The following INSR variants were observed in gnomAD, a reference collection of about 807,000 sequenced individuals.
The protein encoded by INSR is IR.
In INSR, 67 loss-of-function variants were observed where a neutral mutation model predicts 142.6. The ratio of observed to expected loss-of-function variants is 0.47; its 90% CI spans 0.39 to 0.58. INSR has a LOEUF of 0.58. Among genes scored for constraint, INSR ranks in the 20% least tolerant of loss-of-function variants. The pLI is 0.00. For missense variants in INSR, 1,248 were observed against 1,833.2 expected (o/e 0.68, Z 5.83); for synonymous variants, 756 against 743.1 (o/e 1.02, Z -0.28).
rs201445608 is a variant in INSR at position 7,125,376 on chromosome 19, C to G, written c.3165G>C (p.Ala1055=). The change falls in exon 17 of 22, where the codon GCG becomes GCC. Residue 1055 remains alanine (A), a synonymous_variant. Coordinates refer to ENST00000302850, the MANE Select transcript of INSR (RefSeq NM_000208.4). The surrounding 1 kb of genome is among the most constrained non-coding windows in gnomAD (Gnocchi z 4.9). ...TGGCTGACTCGTTGACCGTCTTCAC[C>G]GCCACGCGGGTCTCTGCCTCACCCT... ...IIKGEAETRV[A]VKTVNESASL... 1.2e-6 allele frequency: 2 copies of G among 1,614,012 alleles called. No individual in the cohort carries two copies. Among genetic ancestry groups the G allele is most frequent in the Admixed American group, 1.7e-5 (1 of 60,000 alleles).
At chr19:7,182,405 T>G (rs1974297063) in intron 3 of INSR, among the ~76,000 whole-genome samples, 1 of 151,848 alleles carries the variant, frequency 6.6e-6, no homozygotes, top group Admixed American at 6.6e-5. Context: ...CCCAGCTACT[T>G]GGGAGGCTGA....
At chr19:7,146,238 T>C (rs1006640124) in intron 11 of INSR, among the ~76,000 whole-genome samples, 1,539 of 142,696 alleles carry the variant, frequency 0.011, 46 homozygotes, top group African/African-American at 0.018. Flanking sequence ...GTCAAGTTCT[T>C]TTTTTTTTTT....
chr19:7,164,826 CAAAAAAAAA>C (rs35639305), intron 8 of INSR, among the ~76,000 whole-genome samples: 1 of 46,026 alleles, frequency 2.2e-5, no homozygotes, highest in Non-Finnish European at 3.6e-5. Context: ...AACTCCATCT[CAAAAAAAAA>C]AAAAAAAAAA....
chr19:7,270,820 G>A (rs1378284145), intron 1 of INSR, among the ~76,000 whole-genome samples: 1 of 151,904 alleles, frequency 6.6e-6, no homozygotes, highest in East Asian at 1.9e-4. Context: ...CAGCACTTTG[G>A]GAGGCCAAGA....
intron 2 of INSR, among the ~76,000 whole-genome samples, chr19:7,234,076 T>C (rs1976082233): frequency 1.3e-5 from 2 of 152,062 alleles, no homozygotes; most frequent in Admixed American, 1.3e-4. Context: ...AGCTAATTTT[T>C]TTTATTTTTA....
chr19:7,197,819 C>A lies in INSR; in HGVS notation c.653-13182G>T, dbSNP rs186133619. On this transcript the variant is annotated intron_variant, in intron 2 of 21. Coordinates refer to ENST00000302850, the MANE Select transcript of INSR (RefSeq NM_000208.4). Reference sequence around the variant, plus strand: ...GTCGGTTCCAGAGTGGGAGAGAGAGCGAGAGAGAGAGAGAACGAGAGAGAG... The same window carrying A: ...GTCGGTTCCAGAGTGGGAGAGAGAGAGAGAGAGAGAGAGAACGAGAGAGAG... Among the ~76,000 whole-genome samples, 186 of 75,780 alleles carry A rather than the reference C, an allele frequency of 2.5e-3. 2 individuals are homozygous for A. The highest frequency in any genetic ancestry group is 0.011 in the African/African-American group (175 of 16,374). The allele number at this position is 75,780 out of a possible 152,430, so 49.7% of individuals were successfully genotyped here. A position where few individuals can be genotyped will look rare whatever the true frequency, so the allele number is the denominator to read the frequency against.
At chr19:7,177,273 T>C (rs1034678786) in intron 3 of INSR, among the ~76,000 whole-genome samples, 13 of 152,298 alleles carry the variant, frequency 8.5e-5, no homozygotes, top group African/African-American at 3.1e-4. Context: ...TAGAACATGC[T>C]GGAAGGGGAA....
chr19:7,245,143 A>C (rs1976501205), intron 2 of INSR, among the ~76,000 whole-genome samples: 1 of 151,668 alleles, frequency 6.6e-6, no homozygotes, highest in Non-Finnish European at 1.5e-5. Context: ...TTACCGTGTT[A>C]GCCAGGATGG....
intron 2 of INSR, among the ~76,000 whole-genome samples, chr19:7,197,758 AGT>A (rs57922087): frequency 0.44 from 25,386 of 57,628 alleles, 6,599 homozygotes; most frequent in East Asian, 0.49. Context: ...CCAGAGTGGG[AGT>A]GTGTGTGTGT....
intron 1 of INSR, among the ~76,000 whole-genome samples, chr19:7,279,805 T>C (rs1307397077): frequency 6.7e-6 from 1 of 150,032 alleles, no homozygotes; most frequent in African/African-American, 2.5e-5. Flanking sequence ...CAAAACCCCA[T>C]CTCTACCAAA....
chr19:7,149,936 A>AAGGAAG (rs1973289242), intron 11 of INSR, among the ~76,000 whole-genome samples: 26 of 144,172 alleles, frequency 1.8e-4, no homozygotes, highest in African/African-American at 6.0e-4. Context: ...AAAAAAAGAA[A>AAGGAAG]GAAGGAAGGA....
At chr19:7,154,300 C>CTTTTTTT (rs762914829) in intron 9 of INSR, among the ~76,000 whole-genome samples, 1 of 107,302 alleles carries the variant, frequency 9.3e-6, no homozygotes, top group Non-Finnish European at 1.8e-5. Context: ...ACCACAATTA[C>CTTTTTTT]TTTTTTTTTT....
At chr19:7,135,395 G>A (rs1208128079) in intron 13 of INSR, among the ~76,000 whole-genome samples, 2 of 130,080 alleles carry the variant, frequency 1.5e-5, no homozygotes, top group East Asian at 2.3e-4. Context: ...GGCTCACTGC[G>A]ACCTCCGCCT....
intron 9 of INSR, 108 bp from the exon 10 acceptor site, chr19:7,153,035 C>CCACACATAT: frequency 2.6e-6 from 1 of 379,562 alleles, no homozygotes; most frequent in South Asian, 2.3e-5. Context: ...ACCACACACA[C>CCACACATAT]ACACACCACA....
chr19:7,275,480 G>A (rs575351967), intron 1 of INSR, among the ~76,000 whole-genome samples: 1 of 151,956 alleles, frequency 6.6e-6, no homozygotes, highest in South Asian at 2.1e-4. Flanking sequence ...ATGAATTAAA[G>A]TGAAAATAAA....
rs1161439122 is a variant in INSR at position 7,116,130 on chromosome 19, T to TC, written c.*925_*926insG. The stretch of plus-strand genomic sequence containing the variant: ...TTTGTTTTTTCTTTCTTTTTCTTTT[T>TC]TTTTTTTTAATGTCCTAGCTTGGTT... On this transcript the variant is annotated 3_prime_UTR_variant, in exon 22 of 22. Transcript: ENST00000302850. 66 of 150,288 alleles carry TC rather than the reference T, an allele frequency of 4.4e-4. No individual in the cohort carries two copies. The highest frequency in any genetic ancestry group is 1.4e-3 in the African/African-American group (56 of 40,932). 9.3% of individuals were successfully genotyped at this position (150,288 alleles called of 1,614,324 possible). A position where few individuals can be genotyped will look rare whatever the true frequency, so the allele number is the denominator to read the frequency against.
At position 7,267,834 on chromosome 19, in the gene INSR, CAG is replaced by C; in HGVS notation, c.161_162del (p.Ser54CysfsTer32). 6.2e-7 allele frequency: 1 copy of C among 1,614,076 alleles called. No homozygotes were observed. Among genetic ancestry groups the C allele is most frequent in the African/African-American group, 1.3e-5 (1 of 75,014 alleles). On this transcript the variant is annotated frameshift_variant, in exon 2 of 22. Coordinates refer to ENST00000302850, the MANE Select transcript of INSR (RefSeq NM_000208.4). LOFTEE classifies it high-confidence loss of function. The surrounding 1 kb of genome is among the most constrained non-coding windows in gnomAD (Gnocchi z 6.3). ...LTRLHELENC[S>X]VIEGHLQILL... is the part of the protein sequence containing the mutation. ...AGTATCTGCAAGTGTCCTTCGATGA[CAG>C]AGCAATTCTCCAGCTCATGCAACCT...
chr19:7,292,899 G>A (rs189826401), intron 1 of INSR, among the ~76,000 whole-genome samples: 228 of 152,254 alleles, frequency 1.5e-3, no homozygotes, highest in Non-Finnish European at 2.7e-3. Context: ...GGGAGAGGAG[G>A]GGTCAAGGAG....
chr19:7,283,388 A>G (rs1968259397), intron 1 of INSR, among the ~76,000 whole-genome samples: 1 of 152,184 alleles, frequency 6.6e-6, no homozygotes, highest in South Asian at 2.1e-4. Flanking sequence ...CAAAAAGGGC[A>G]TTTGCATTCA....
Sources: allele counts gnomAD v4.1 joint callset (sites outside exome capture counted in the v4.1 genomes callset), GRCh38; gene constraint gnomAD v4.1.1; non-coding constraint Gnocchi (gnomAD v3.1); transcripts MANE v1.5; gene names NCBI Gene and HGNC (gene_info 2026-07-23, HGNC 2026-07-21).